The following CACHD1 variants were observed in gnomAD, a reference collection of about 807,000 sequenced individuals.
CACHD1 encodes the protein cache domain containing 1.
CACHD1 carries 71 observed loss-of-function variants against 138.7 expected under a neutral mutation model. The observed-to-expected ratio is 0.51, with a 90% CI of 0.42 to 0.62. The LOEUF (loss-of-function observed/expected upper bound fraction) is 0.62, where lower values mean the gene tolerates loss of function less well. CACHD1 is among the 20% of genes least tolerant of loss of function. The pLI is 0.00. For synonymous variants in CACHD1, 578 were observed against 591.5 expected, an observed-to-expected ratio of 0.98 and a Z score of 0.33; for missense variants, 1,389 against 1,625.3, an observed-to-expected ratio of 0.85 and a Z score of 2.50.
At chr1:64,631,380 C>T (rs1648297620) in intron 5 of CACHD1, among the ~76,000 whole-genome samples, 1 of 152,144 alleles carries the variant, frequency 6.6e-6, no homozygotes. Flanking sequence ...TTGCATTTCC[C>T]TAGTGGCTCA....
intron 3 of CACHD1, among the ~76,000 whole-genome samples, chr1:64,597,027 C>T (rs1647158484): frequency 6.6e-6 from 1 of 152,010 alleles, no homozygotes; most frequent in African/African-American, 2.4e-5. Flanking sequence ...AAATCACCTT[C>T]CCTAGGAAAT....
intron 1 of CACHD1, among the ~76,000 whole-genome samples, chr1:64,475,603 G>A (rs2100259884): frequency 6.6e-6 from 1 of 152,224 alleles, no homozygotes; most frequent in East Asian, 1.9e-4. Flanking sequence ...CTGGAGTGCA[G>A]TGGCGTGATC....
chr1:64,472,817 T>G (rs1646153221), intron 1 of CACHD1, among the ~76,000 whole-genome samples: 1 of 152,150 alleles, frequency 6.6e-6, no homozygotes, highest in African/African-American at 2.4e-5. Context: ...CTTCACTCCA[T>G]CCCTAGGGCT....
chr1:64,622,256 C>T (rs1306810924), intron 4 of CACHD1, among the ~76,000 whole-genome samples: 2 of 152,166 alleles, frequency 1.3e-5, no homozygotes, highest in African/African-American at 4.8e-5. Context: ...CTAACATATG[C>T]TATTTAGTGT....
intron 4 of CACHD1, among the ~76,000 whole-genome samples, chr1:64,620,134 G>A (rs1647856922): frequency 6.6e-6 from 1 of 152,016 alleles, no homozygotes; most frequent in South Asian, 2.1e-4. Flanking sequence ...TATCTTATCA[G>A]TTTTTTCATC....
chr1:64,506,860 C>G (rs150954002), intron 1 of CACHD1, among the ~76,000 whole-genome samples: 37 of 152,296 alleles, frequency 2.4e-4, no homozygotes, highest in African/African-American at 7.5e-4. Context: ...GTTCTTCGTT[C>G]AAGTAGCTCC....
intron 6 of CACHD1, 91 bp from the exon 7 acceptor site, chr1:64,633,953 A>G: frequency 1.1e-6 from 1 of 926,268 alleles, no homozygotes. Context: ...AGGCCTTCTT[A>G]CTCCTTGGCC....
intron 1 of CACHD1, 72 bp downstream of exon 1, chr1:64,471,014 C>T: frequency 6.9e-7 from 1 of 1,450,852 alleles, no homozygotes; most frequent in Non-Finnish European, 9.3e-7. Context: ...ACTCCCGGTA[C>T]AAGTCCCCTG....
chr1:64,524,188 GT>G, intron 1 of CACHD1, among the ~76,000 whole-genome samples: 1 of 152,180 alleles, frequency 6.6e-6, no homozygotes, highest in East Asian at 1.9e-4. Flanking sequence ...TGACTCTTTT[GT>G]TTTTGTTTTT....
At chr1:64,542,163 G>A (rs1646682179) in intron 1 of CACHD1, among the ~76,000 whole-genome samples, 1 of 152,142 alleles carries the variant, frequency 6.6e-6, no homozygotes. Context: ...AGCACTTAGT[G>A]CCTGACAGAT....
intron 1 of CACHD1, among the ~76,000 whole-genome samples, chr1:64,545,909 TGTAAC>T (rs1280454546): frequency 1.3e-5 from 2 of 152,204 alleles, no homozygotes; most frequent in Non-Finnish European, 2.9e-5. Flanking sequence ...CAGAAATAAA[TGTAAC>T]AGAAGATTCT....
intron 4 of CACHD1, among the ~76,000 whole-genome samples, chr1:64,609,915 A>G (rs1647468385): frequency 6.6e-6 from 1 of 152,220 alleles, no homozygotes; most frequent in Non-Finnish European, 1.5e-5. Flanking sequence ...TAGGTAATTT[A>G]TAAAGGAAAG....
At chr1:64,691,273 G>T (rs367830375) in intron 26 of CACHD1, 50 bp from the exon 27 acceptor site, 24 of 1,549,644 alleles carry the variant, frequency 1.5e-5, no homozygotes, top group Non-Finnish European at 2.0e-5. Flanking sequence ...GAAATCTTCT[G>T]TCTGCGTCTT....
intron 16 of CACHD1, among the ~76,000 whole-genome samples, chr1:64,668,310 G>T (rs1162935116): frequency 4.1e-5 from 6 of 144,830 alleles, no homozygotes; most frequent in African/African-American, 5.1e-5. Context: ...CTGGGCGACA[G>T]AGCAAGACTG....
chr1:64,488,955 G>A (rs1391258687), intron 1 of CACHD1, among the ~76,000 whole-genome samples: 1 of 152,176 alleles, frequency 6.6e-6, no homozygotes, highest in African/African-American at 2.4e-5. Context: ...TGGGGGATTA[G>A]TTAGTAAGCA....
chr1:64,602,205 T>C (rs1238122508), intron 3 of CACHD1, among the ~76,000 whole-genome samples: 3 of 152,234 alleles, frequency 2.0e-5, no homozygotes, highest in African/African-American at 7.2e-5. Context: ...TCATGTACTA[T>C]AAGAGGAACT....
At chr1:64,523,255 T>C (rs1046763645) in intron 1 of CACHD1, among the ~76,000 whole-genome samples, 4 of 152,224 alleles carry the variant, frequency 2.6e-5, no homozygotes, top group African/African-American at 9.6e-5. Flanking sequence ...AGTGAGCATA[T>C]AGATGAACAA....
intron 26 of CACHD1, among the ~76,000 whole-genome samples, chr1:64,689,605 T>C (rs1380090923): frequency 2.0e-5 from 3 of 152,162 alleles, no homozygotes; most frequent in African/African-American, 7.2e-5. Flanking sequence ...CTCAGTATCT[T>C]GTGTGGTCTC....
intron 23 of CACHD1, among the ~76,000 whole-genome samples, 154 bp from the exon 24 acceptor site, chr1:64,679,441 T>C (rs1442726527): frequency 6.6e-6 from 1 of 152,240 alleles, no homozygotes; most frequent in Non-Finnish European, 1.5e-5. Flanking sequence ...CACGTTCCCA[T>C]GCGTCATGTT....
Sources: allele counts gnomAD v4.1 joint callset (sites outside exome capture counted in the v4.1 genomes callset), GRCh38; gene constraint gnomAD v4.1.1; transcripts MANE v1.5; gene names NCBI Gene and HGNC (gene_info 2026-07-23, HGNC 2026-07-21).